Variants in CLASP1 observed in about 807,000 individuals in gnomAD.
CLASP1 encodes the protein CLIP-associating protein 1.
In CLASP1, 38 loss-of-function variants were observed where a neutral mutation model predicts 192.3. That is an observed-to-expected ratio of 0.20 (90% CI 0.15 to 0.26). The LOEUF is 0.26. CLASP1 is among the 10% of genes least tolerant of loss of function. CLASP1 has a pLI of 1.00. For missense variants in CLASP1, 1,433 were observed against 1,932.5 expected, an observed-to-expected ratio of 0.74 and a Z score of 4.85; for synonymous variants, 691 against 712.8, an observed-to-expected ratio of 0.97 and a Z score of 0.49.
chr2:121,530,877 T>C (rs747170464), intron 2 of CLASP1: 109 of 690,024 alleles, frequency 1.6e-4, no homozygotes, highest in South Asian at 4.5e-4. Context: ...GACTTTCTAT[T>C]ATAACCATCC....
chr2:121,420,226 T>C (rs1271332837), intron 22 of CLASP1, among the ~76,000 whole-genome samples: 1 of 152,222 alleles, frequency 6.6e-6, no homozygotes, highest in Non-Finnish European at 1.5e-5. Context: ...AAGCTCTCCT[T>C]AATTTTGCCA....
chr2:121,396,404 G>C (rs548015283), intron 30 of CLASP1, among the ~76,000 whole-genome samples: 1 of 152,286 alleles, frequency 6.6e-6, no homozygotes, highest in South Asian at 2.1e-4. Context: ...TATATCCAAC[G>C]TTCTATTTAT....
chr2:121,355,698 T>C (rs1347667134), intron 37 of CLASP1, among the ~76,000 whole-genome samples: 1 of 152,116 alleles, frequency 6.6e-6, no homozygotes, highest in African/African-American at 2.4e-5. Context: ...GAAGCAAAGA[T>C]TATAAATGTA....
intron 8 of CLASP1, among the ~76,000 whole-genome samples, chr2:121,482,309 A>G (rs1183094597): frequency 6.6e-6 from 1 of 152,078 alleles, no homozygotes; most frequent in Non-Finnish European, 1.5e-5. Flanking sequence ...GAGTGTGCCC[A>G]TCGGGACACT....
At chr2:121,498,197 G>GTTTTTTTT (rs2093609608) in intron 8 of CLASP1, among the ~76,000 whole-genome samples, 9 of 114,570 alleles carry the variant, frequency 7.9e-5, no homozygotes, top group African/African-American at 3.9e-4. Context: ...ATAGGTAATA[G>GTTTTTTTT]TTTCTTTTTT....
At chr2:121,398,888 G>A (rs1472033751) in intron 28 of CLASP1, among the ~76,000 whole-genome samples, 2 of 152,200 alleles carry the variant, frequency 1.3e-5, no homozygotes, top group South Asian at 2.1e-4. Flanking sequence ...CCTGTGAGAT[G>A]GCGACAAAAC....
At chr2:121,499,190 C>T (rs187505837) in intron 8 of CLASP1, among the ~76,000 whole-genome samples, 125 of 152,228 alleles carry the variant, frequency 8.2e-4, no homozygotes, top group African/African-American at 2.8e-3. Context: ...CATCAACAGA[C>T]GGATAAAGAA....
chr2:121,397,698 T>C (rs1330659524), intron 29 of CLASP1, among the ~76,000 whole-genome samples: 1 of 152,204 alleles, frequency 6.6e-6, no homozygotes, highest in Admixed American at 6.5e-5. Flanking sequence ...ATCAAGCTGA[T>C]GCTCTGTCCT....
chr2:121,409,831 G>GA (rs1294222833), intron 24 of CLASP1, among the ~76,000 whole-genome samples: 1 of 152,142 alleles, frequency 6.6e-6, no homozygotes, highest in Non-Finnish European at 1.5e-5. Context: ...GCACCTGCCA[G>GA]AAAAAAGTCT....
At chr2:121,408,731 A>T (rs528968709) in intron 24 of CLASP1, among the ~76,000 whole-genome samples, 30 of 152,312 alleles carry the variant, frequency 2.0e-4, no homozygotes, top group Admixed American at 9.2e-4. Context: ...CCATTCATGA[A>T]ATCATGACGA....
At chr2:121,497,512 G>GA (rs935331524) in intron 8 of CLASP1, among the ~76,000 whole-genome samples, 1 of 152,050 alleles carries the variant, frequency 6.6e-6, no homozygotes, top group African/African-American at 2.4e-5. Flanking sequence ...AAACATTTAT[G>GA]AAAAAAATGT....
chr2:121,455,212 C>T (rs1450831152), intron 14 of CLASP1, among the ~76,000 whole-genome samples: 3 of 152,084 alleles, frequency 2.0e-5, no homozygotes, highest in Non-Finnish European at 4.4e-5. Flanking sequence ...TTTCTTTTTT[C>T]GTGACTTTAG....
At chr2:121,646,830 T>C (rs2073251905) in intron 1 of CLASP1, among the ~76,000 whole-genome samples, 1 of 147,140 alleles carries the variant, frequency 6.8e-6, no homozygotes, top group Admixed American at 6.8e-5. Context: ...GAGGTCAGGA[T>C]ATCAAGGCCA....
chr2:121,419,499 A>G (rs778627524), intron 22 of CLASP1, among the ~76,000 whole-genome samples: 2 of 152,206 alleles, frequency 1.3e-5, no homozygotes, highest in Non-Finnish European at 2.9e-5. Flanking sequence ...TGTCTAGAGC[A>G]AGTAGATCAA....
chr2:121,575,227 T>C (rs888499988), intron 2 of CLASP1, among the ~76,000 whole-genome samples: 4 of 151,960 alleles, frequency 2.6e-5, no homozygotes, highest in Non-Finnish European at 4.4e-5. Flanking sequence ...TTCTCCTGCC[T>C]CAGCCTCCTG....
At chr2:121,645,006 T>C (rs559540597) in intron 1 of CLASP1, among the ~76,000 whole-genome samples, 1 of 148,134 alleles carries the variant, frequency 6.8e-6, no homozygotes, top group South Asian at 2.2e-4. Flanking sequence ...GAAAGCATGG[T>C]GAGCCATATC....
At chr2:121,403,691 T>C in intron 26 of CLASP1, 1 of 455,210 alleles carries the variant, frequency 2.2e-6, no homozygotes, top group Non-Finnish European at 4.4e-6. Flanking sequence ...TAAACTTCTG[T>C]AAAGATACCC....
chr2:121,475,541 T>C (rs181832524), intron 8 of CLASP1, among the ~76,000 whole-genome samples: 1 of 152,322 alleles, frequency 6.6e-6, no homozygotes, highest in Non-Finnish European at 1.5e-5. Flanking sequence ...CGTTACAGTA[T>C]TTCTCAGCTA....
chr2:121,601,888 A>G (rs2063821795), intron 2 of CLASP1, among the ~76,000 whole-genome samples: 1 of 152,240 alleles, frequency 6.6e-6, no homozygotes, highest in Middle Eastern at 3.4e-3. Context: ...CAAGAAGGCA[A>G]TTCTGGCCGA....
Sources: allele counts gnomAD v4.1 joint callset (sites outside exome capture counted in the v4.1 genomes callset), GRCh38; gene constraint gnomAD v4.1.1; transcripts MANE v1.5; gene names NCBI Gene and HGNC (gene_info 2026-07-23, HGNC 2026-07-21).